Variants in B9D2 observed in about 807,000 individuals in gnomAD.
B9D2 encodes the protein B9 domain-containing protein 2.
Under a neutral mutation model 19.2 loss-of-function variants are expected in B9D2, and 21 were observed. That is an observed-to-expected ratio of 1.09 (90% confidence interval 0.78 to 1.58). The LOEUF (loss-of-function observed/expected upper bound fraction) is 1.58, where lower values mean the gene tolerates loss of function less well. Ranked by LOEUF, B9D2 falls within the 40% of genes most tolerant of loss-of-function variation. B9D2 has a pLI of 0.00. For synonymous variants in B9D2, 91 were observed against 100.6 expected, an observed-to-expected ratio of 0.90 and a Z score of 0.57; for missense variants, 221 against 244.3, an observed-to-expected ratio of 0.90 and a Z score of 0.64.
intron 3 of B9D2, among the ~76,000 whole-genome samples, chr19:41,357,026 C>T (rs1330428485): frequency 6.6e-6 from 1 of 152,192 alleles, no homozygotes; most frequent in African/African-American, 2.4e-5. Context: ...CCTTGGCTCA[C>T]TTTCCCCTTT....
rs2038346341 is a variant in B9D2 at position 41,358,106 on chromosome 19, T to C, written c.89-84A>G. The C allele has an allele frequency of 7.6e-6, 12 of 1,571,516 alleles. No individual in the cohort carries two copies. In the South Asian group the frequency reaches 1.1e-4, roughly 15 times the overall value. On this transcript the variant is annotated intron_variant, in intron 2 of 3. Coordinates refer to ENST00000243578, the MANE Select transcript of B9D2 (RefSeq NM_030578.4). ...CTGTGGCTATAGGACTGTTTCTCTG[T>C]GGCATCTACTGGTAGGGGTTACGAA...
intron 2 of B9D2, chr19:41,363,223 G>A: frequency 1.6e-6 from 1 of 614,126 alleles, no homozygotes; most frequent in Admixed American, 2.5e-5. Flanking sequence ...TCCAGCCCGG[G>A]CGCAGAGAGA....
rs1368918299 is a variant in B9D2, at chr19:41,354,729, T to G, written c.499A>C (p.Asn167His). 1 of 1,613,986 alleles carries G rather than the reference T, an allele frequency of 6.2e-7. No individual in the cohort carries two copies. Among genetic ancestry groups the G allele is most frequent in the Admixed American group, 1.7e-5 (1 of 60,014 alleles). ...VHLEIGLLLRNFDRYGVEC is the reference protein window; with the variant it reads ...VHLEIGLLLRHFDRYGVEC The stretch of plus-strand genomic sequence containing the variant: ...CACTCCACGCCGTAGCGGTCGAAGT[T>G]GCGGAGCAGCAGGCCGATCTCCAGG... The change falls in exon 4 of 4, where the codon AAC (asparagine) becomes CAC (histidine). Residue 167 changes from asparagine (N) to histidine (H), a missense_variant. Asn to His is a moderately conservative substitution (Grantham distance 68). Transcript: ENST00000243578.
intron 2 of B9D2, 144 bp from the exon 3 acceptor site, chr19:41,358,166 T>C: frequency 7.8e-7 from 1 of 1,279,480 alleles, no homozygotes; most frequent in Non-Finnish European, 1.1e-6. Context: ...TGGGTTCAAA[T>C]CCTGGCACTA....
intron 3 of B9D2, among the ~76,000 whole-genome samples, chr19:41,357,272 C>T (rs993591698): frequency 1.3e-5 from 2 of 152,158 alleles, no homozygotes; most frequent in African/African-American, 2.4e-5. Flanking sequence ...CCCCATAGGA[C>T]GGTGAACCCT....
intron 2 of B9D2, among the ~76,000 whole-genome samples, chr19:41,360,341 A>G (rs1054412781): frequency 1.3e-5 from 2 of 152,130 alleles, no homozygotes; most frequent in South Asian, 2.1e-4. Context: ...ATGCTTTGCT[A>G]ATTTTTTATT....
At chr19:41,362,592 C>G (rs903028829) in intron 2 of B9D2, among the ~76,000 whole-genome samples, 1 of 152,110 alleles carries the variant, frequency 6.6e-6, no homozygotes, top group Admixed American at 6.6e-5. Flanking sequence ...TGTTGATACT[C>G]GTTTAGTACT....
intron 3 of B9D2, 82 bp from the exon 4 acceptor site, chr19:41,355,095 G>T: frequency 7.5e-7 from 1 of 1,334,826 alleles, no homozygotes. Flanking sequence ...GATACTCACT[G>T]GAGACCCCAG....
In B9D2 at chr19:41,357,997, G is replaced by A. The variant is rs368434905; in HGVS notation, c.114C>T (p.Gly38=). Residue 38 remains glycine, a synonymous_variant, in exon 3 of 4, where the codon GGC becomes GGT. Coordinates refer to ENST00000243578, the MANE Select transcript of B9D2 (RefSeq NM_030578.4). ...HTGAAWKLLS[G]VREGQTQVDT... ...CCACTTGCGTTTGGCCCTCCCGCAC[G>A]CCTGACAGGAGCTTCCATGCCGCCC... 6.8e-6 allele frequency: 11 copies of A among 1,614,004 alleles called. No homozygotes were observed. Among genetic ancestry groups the A allele is most frequent in the African/African-American group, 4.0e-5 (3 of 74,902 alleles).
At chr19:41,363,689 C>G (rs1251314737) in intron 1 of B9D2, among the ~76,000 whole-genome samples, 166 bp from the exon 2 acceptor site, 1 of 152,174 alleles carries the variant, frequency 6.6e-6, no homozygotes, top group African/African-American at 2.4e-5. Context: ...AATTGCCAAC[C>G]CATGAAAGCC....
At position 41,354,797 on chromosome 19, in the gene B9D2, G is replaced by A. The variant is rs2038281075; in HGVS notation, c.431C>T (p.Ala144Val). The A allele has an allele frequency of 6.2e-7, 1 of 1,613,866 alleles. No homozygotes were observed. The highest frequency in any genetic ancestry group is 8.5e-7 in the Non-Finnish European group (1 of 1,180,034). The change falls in exon 4 of 4, where the codon GCC (alanine) becomes GTC (valine). Residue 144 changes from alanine (A) to valine (V), a missense_variant. Ala to Val is a moderately conservative substitution (Grantham distance 64). Transcript: ENST00000243578. ...LLHGDTIYSG[A>V]DRYRLHTAAG... ...AGCTGTGTGCAGGCGATAGCGGTCG[G>A]CCCCACTGTAGATGGTGTCCCCATG...
Position 41,354,674 on chromosome 19 carries a change from G to A in B9D2, c.*26C>T, listed in dbSNP as rs1263645798. 6.2e-7 allele frequency: 1 copy of A among 1,613,526 alleles called. No homozygotes were observed. Among genetic ancestry groups the A allele is most frequent in the Non-Finnish European group, 8.5e-7 (1 of 1,179,760 alleles). ...ATCACTGGGTGTCCGGGGTGTGGAT[G>A]GTGGTGACGTTGGAGGCAGAGTCCC... On this transcript the variant is annotated 3_prime_UTR_variant, in exon 4 of 4. Transcript: ENST00000243578.
intron 2 of B9D2, among the ~76,000 whole-genome samples, chr19:41,362,285 G>A (rs532070236): frequency 2.0e-5 from 3 of 148,540 alleles, no homozygotes; most frequent in Non-Finnish European, 4.4e-5. Flanking sequence ...AGCTATGCAG[G>A]AGGCTGAGGC....
At position 41,363,224 on chromosome 19, in the gene B9D2, C is replaced by G. The variant is rs748552311; in HGVS notation, c.88+208G>C. The G allele has an allele frequency of 2.4e-5, 15 of 614,942 alleles. No individual in the cohort carries two copies. The East Asian group carries it at 4.0e-4, about 16-fold the overall frequency. The allele number at this position is 614,942 out of a possible 1,614,324, so 38.1% of individuals were successfully genotyped here. A position where few individuals can be genotyped will look rare whatever the true frequency, so the allele number is the denominator to read the frequency against. On this transcript the variant is annotated intron_variant, in intron 2 of 3. Coordinates refer to ENST00000243578, the MANE Select transcript of B9D2 (RefSeq NM_030578.4). ...TCACACCACCTTACTCCAGCCCGGG[C>G]GCAGAGAGAGACCCTGTCTGTATCC...
intron 2 of B9D2, chr19:41,361,161 C>G (rs913476073): frequency 1.3e-5 from 2 of 152,250 alleles, no homozygotes; most frequent in Non-Finnish European, 2.9e-5. Context: ...TTTCATCCAA[C>G]TGCCTCAGTA....
intron 3 of B9D2, among the ~76,000 whole-genome samples, chr19:41,355,971 TG>T (rs34412754): frequency 2.0e-5 from 3 of 151,556 alleles, no homozygotes; most frequent in Admixed American, 6.6e-5. Flanking sequence ...GCCAAGGCCC[TG>T]GGGGGGGACT....
chr19:41,358,064 T>C, intron 2 of B9D2, 42 bp from the exon 3 acceptor site: 1 of 1,613,024 alleles, frequency 6.2e-7, no homozygotes, highest in Non-Finnish European at 8.5e-7. Flanking sequence ...GAGGCAGCCA[T>C]CGGGAAGGGG....
At chr19:41,363,009 C>G (rs1023694510) in intron 2 of B9D2, 5 of 238,240 alleles carry the variant, frequency 2.1e-5, no homozygotes, top group African/African-American at 9.1e-5. Context: ...CTTTGAGAGG[C>G]TGAAGTGGGT....
intron 2 of B9D2, among the ~76,000 whole-genome samples, 196 bp from the exon 3 acceptor site, chr19:41,358,218 T>G (rs1023325804): frequency 2.0e-5 from 3 of 152,216 alleles, no homozygotes; most frequent in African/African-American, 7.2e-5. Context: ...TAGCTTTCTC[T>G]GCCTTGGTCT....
Sources: gnomAD v4.1 joint callset for allele counts (sites outside exome capture counted in the v4.1 genomes callset) on GRCh38, gnomAD v4.1.1 for gene constraint, MANE v1.5 for transcripts, NCBI Gene and HGNC (gene_info 2026-07-23, HGNC 2026-07-21) for gene names.